Variants in CRTC1 observed in about 807,000 individuals in gnomAD.
CRTC1 encodes the protein CREB-regulated transcription coactivator 1.
A neutral mutation model predicts 66.1 loss-of-function variants in CRTC1; 18 were observed. The observed-to-expected ratio is 0.27, with a 90% CI of 0.19 to 0.40. The LOEUF is 0.40. Among genes scored for constraint, CRTC1 ranks in the 10% least tolerant of loss-of-function variants. The pLI is 1.00. For missense variants in CRTC1, 669 were observed against 887.9 expected, an observed-to-expected ratio of 0.75 and a Z score of 3.13; for synonymous variants, 416 against 398.8, an observed-to-expected ratio of 1.04 and a Z score of -0.51.
chr19:18,732,224 T>A (rs1226172896), intron 1 of CRTC1, among the ~76,000 whole-genome samples: 1 of 152,200 alleles, frequency 6.6e-6, no homozygotes, highest in Non-Finnish European at 1.5e-5. Context: ...GAGGCTGTAT[T>A]TGGAGGTGGG....
chr19:18,740,298 C>T (rs1446854829), intron 1 of CRTC1, among the ~76,000 whole-genome samples: 2 of 151,946 alleles, frequency 1.3e-5, no homozygotes, highest in East Asian at 3.9e-4. Context: ...TGGGCAGGGT[C>T]CAGGAGAAAC....
At chr19:18,717,645 T>C (rs2053537430) in intron 1 of CRTC1, among the ~76,000 whole-genome samples, 1 of 152,044 alleles carries the variant, frequency 6.6e-6, no homozygotes, top group Non-Finnish European at 1.5e-5. Flanking sequence ...TGCCTTCCAG[T>C]CTCAGCCTAC....
intron 1 of CRTC1, among the ~76,000 whole-genome samples, chr19:18,688,188 G>T (rs927719032): frequency 2.0e-5 from 3 of 152,106 alleles, no homozygotes; most frequent in African/African-American, 4.8e-5. Context: ...TCAGAAGGTG[G>T]CACACGCTGG....
intron 1 of CRTC1, among the ~76,000 whole-genome samples, chr19:18,686,994 G>A (rs905633741): frequency 6.7e-6 from 1 of 149,782 alleles, no homozygotes; most frequent in African/African-American, 2.5e-5. Flanking sequence ...GATGTCGGCA[G>A]TGCCAAGACT....
At chr19:18,707,643 A>G (rs763111295) in intron 1 of CRTC1, among the ~76,000 whole-genome samples, 8 of 152,120 alleles carry the variant, frequency 5.3e-5, no homozygotes, top group South Asian at 2.1e-4. Flanking sequence ...AGGAAATGGT[A>G]TTTTGGTAGG....
chr19:18,753,108 A>AC (rs1305226891), intron 5 of CRTC1, among the ~76,000 whole-genome samples: 1 of 150,650 alleles, frequency 6.6e-6, no homozygotes, highest in East Asian at 2.0e-4. Context: ...TACTAAAAAT[A>AC]AAAAAAATAA....
intron 1 of CRTC1, among the ~76,000 whole-genome samples, chr19:18,713,905 C>T (rs1204047895): frequency 1.3e-5 from 2 of 152,192 alleles, no homozygotes; most frequent in African/African-American, 4.8e-5. Flanking sequence ...CCACTGGCAG[C>T]CCGCTCCCCA....
Position 18,741,687 on chromosome 19 carries a change from C to T in CRTC1, c.127-1223C>T, listed in dbSNP as rs547172290. The stretch of plus-strand genomic sequence containing the variant: ...GTGTATGTGTCTGGCCAGCGGCCAC[C>T]AAGGGCTCCCAGCACAGACCCTGGG... On this transcript the variant is annotated intron_variant, in intron 1 of 13. Coordinates refer to ENST00000321949, the MANE Select transcript of CRTC1 (RefSeq NM_015321.3). This position sits in a 1 kb window ranked among gnomAD's most constrained non-coding sequence, Gnocchi z 4.2. Among the ~76,000 whole-genome samples, 1 of 152,304 alleles carries T rather than the reference C, an allele frequency of 6.6e-6. No homozygotes were observed. Among genetic ancestry groups the T allele is most frequent in the African/African-American group, 2.4e-5 (1 of 41,574 alleles).
chr19:18,768,885 G>C lies in CRTC1; in HGVS notation c.1320+92G>C. ...AGAACAGTCGGGTTACCTGCTGCAT[G>C]GGCCAGGGGTCAGAACCCCAGCGAA... On this transcript the variant is annotated intron_variant, in intron 10 of 13. Transcript: ENST00000321949. This position sits in a 1 kb window ranked among gnomAD's most constrained non-coding sequence, Gnocchi z 5.6. 6.9e-7 allele frequency: 1 copy of C among 1,452,434 alleles called. No homozygotes were observed. Among genetic ancestry groups the C allele is most frequent in the African/African-American group, 1.5e-5 (1 of 68,602 alleles). 90.0% of individuals were successfully genotyped at this position (1,452,434 alleles called of 1,614,324 possible).
intron 4 of CRTC1, 147 bp from the exon 5 acceptor site, chr19:18,749,634 T>C (rs1258509933): frequency 1.5e-6 from 1 of 652,046 alleles, no homozygotes; most frequent in African/African-American, 1.8e-5. Context: ...TAGAATGAGG[T>C]CCCGAGAGCT....
At chr19:18,726,130 G>A (rs921116996) in intron 1 of CRTC1, among the ~76,000 whole-genome samples, 3 of 152,244 alleles carry the variant, frequency 2.0e-5, no homozygotes, top group South Asian at 2.1e-4. Context: ...ATAAATCTGC[G>A]TTCTGGATGA....
chr19:18,690,852 C>T (rs984301989), intron 1 of CRTC1, among the ~76,000 whole-genome samples: 3 of 151,642 alleles, frequency 2.0e-5, no homozygotes, highest in Admixed American at 6.6e-5. Context: ...GGTGAAGCCC[C>T]GTCTCTACTA....
intron 1 of CRTC1, among the ~76,000 whole-genome samples, chr19:18,686,799 T>C (rs1022722888): frequency 6.6e-6 from 1 of 152,052 alleles, no homozygotes; most frequent in African/African-American, 2.4e-5. Context: ...CACAAAGCAT[T>C]GTTCTCTTTC....
At chr19:18,725,391 G>A (rs371922941) in intron 1 of CRTC1, among the ~76,000 whole-genome samples, 23 of 152,284 alleles carry the variant, frequency 1.5e-4, no homozygotes, top group Non-Finnish European at 2.8e-4. Context: ...CTCTGTCATC[G>A]CTTGGTTTCT....
At chr19:18,719,093 G>A (rs1009401639) in intron 1 of CRTC1, among the ~76,000 whole-genome samples, 2 of 152,132 alleles carry the variant, frequency 1.3e-5, no homozygotes, top group Non-Finnish European at 2.9e-5. Flanking sequence ...CCTGGAAGTC[G>A]AGCTGCTGGG....
At position 18,781,598 on chromosome 19, in the gene CRTC1, G is replaced by A; in HGVS notation, c.*4216G>A. ...GAGGTGGAGTAAGTTGTACCCCCAG[G>A]CCTGGGTGCTGGGGAGTTCCTGAGG... is the stretch of plus-strand genomic sequence containing the variant. On this transcript the variant is annotated 3_prime_UTR_variant, in exon 14 of 14. Coordinates refer to ENST00000321949, the MANE Select transcript of CRTC1 (RefSeq NM_015321.3). 4.4e-6 allele frequency: 1 copy of A among 229,644 alleles called. No homozygotes were observed. Among genetic ancestry groups the A allele is most frequent in the African/African-American group, 2.2e-5 (1 of 45,180 alleles). The allele number at this position is 229,644 out of a possible 1,614,324, so 14.2% of individuals were successfully genotyped here.
intron 1 of CRTC1, among the ~76,000 whole-genome samples, chr19:18,733,633 A>T (rs1400094568): frequency 6.6e-6 from 1 of 152,188 alleles, no homozygotes; most frequent in Admixed American, 6.5e-5. Context: ...GCAGATGTTT[A>T]CTGAGGAACT....
At chr19:18,769,542 G>A (rs2054815239) in intron 10 of CRTC1, among the ~76,000 whole-genome samples, 1 of 152,250 alleles carries the variant, frequency 6.6e-6, no homozygotes, top group South Asian at 2.1e-4. Context: ...GGTGGGGCAG[G>A]CAGGTGAGCC....
At chr19:18,730,780 C>T (rs1226462738) in intron 1 of CRTC1, among the ~76,000 whole-genome samples, 1 of 152,162 alleles carries the variant, frequency 6.6e-6, no homozygotes, top group African/African-American at 2.4e-5. Context: ...AGTGGTGTCC[C>T]CCTTGGTCCC....
Sources: allele counts gnomAD v4.1 joint callset (sites outside exome capture counted in the v4.1 genomes callset), GRCh38; gene constraint gnomAD v4.1.1; non-coding constraint Gnocchi (gnomAD v3.1); transcripts MANE v1.5; gene names NCBI Gene and HGNC (gene_info 2026-07-23, HGNC 2026-07-21).